SNX1: variants seen among roughly 807,000 people sequenced by gnomAD.
The protein encoded by SNX1 is sorting nexin-1.
In SNX1, 36 loss-of-function variants were observed where a neutral mutation model predicts 71.8. The ratio of observed to expected loss-of-function variants is 0.50; its 90% CI spans 0.38 to 0.66. The LOEUF is 0.66. Among genes scored for constraint, SNX1 ranks in the 30% least tolerant of loss-of-function variants. The pLI, the probability that SNX1 is intolerant of heterozygous loss-of-function variation, is 0.00. For missense variants in SNX1, 612 were observed against 646.7 expected (o/e 0.95, Z 0.58); for synonymous variants, 254 against 240.7 (o/e 1.06, Z -0.51).
chr15:64,117,764 C>T (rs531450308), intron 2 of SNX1, among the ~76,000 whole-genome samples: 34 of 152,246 alleles, frequency 2.2e-4, no homozygotes, highest in Non-Finnish European at 1.0e-4. Context: ...TGCACTCCAA[C>T]CTGGGTGACA....
intron 2 of SNX1, among the ~76,000 whole-genome samples, chr15:64,117,589 G>A (rs2081143328): frequency 6.6e-6 from 1 of 152,088 alleles, no homozygotes; most frequent in Non-Finnish European, 1.5e-5. Context: ...GAATAAATAG[G>A]GCTCATATAA....
At chr15:64,115,955 C>G (rs1020667089) in intron 2 of SNX1, among the ~76,000 whole-genome samples, 3 of 152,174 alleles carry the variant, frequency 2.0e-5, no homozygotes, top group African/African-American at 7.2e-5. Flanking sequence ...TCAGAGACTT[C>G]TAATATGCTA....
At chr15:64,123,633 T>G in intron 5 of SNX1, 87 bp downstream of exon 5, 1 of 1,122,610 alleles carries the variant, frequency 8.9e-7, no homozygotes, top group African/African-American at 1.5e-5. Flanking sequence ...TCTGGGTATC[T>G]CCTTTGTTTC....
At chr15:64,128,868 A>T (rs191575270) in intron 8 of SNX1, among the ~76,000 whole-genome samples, 123 of 152,168 alleles carry the variant, frequency 8.1e-4, no homozygotes, top group Non-Finnish European at 1.5e-3. Context: ...AGATCCAGGT[A>T]GCACCCCCTC....
intron 1 of SNX1, 146 bp from the exon 2 acceptor site, chr15:64,112,427 C>T: frequency 1.7e-6 from 1 of 573,036 alleles, no homozygotes; most frequent in South Asian, 2.3e-5. Flanking sequence ...ATGACTTGGG[C>T]AGCACTTATT....
intron 1 of SNX1, among the ~76,000 whole-genome samples, chr15:64,101,465 A>G (rs544390294): frequency 5.9e-5 from 9 of 152,240 alleles, no homozygotes; most frequent in Non-Finnish European, 1.0e-4. Context: ...AAGGCTGAAT[A>G]ATATTGCATT....
chr15:64,129,902 T>G lies in SNX1; in HGVS notation c.808-14T>G, dbSNP rs2081289267. 6.2e-7 allele frequency: 1 copy of G among 1,602,614 alleles called. No individual in the cohort carries two copies. On this transcript the variant is annotated splice_polypyrimidine_tract_variant and intron_variant, in intron 8 of 14. Transcript: ENST00000559844. The surrounding 1 kb of genome is among the most constrained non-coding windows in gnomAD (Gnocchi z 4.4). ...AGCAGATAACTTGCCATCCCTGCCT[T>G]CTTGGTCTTGTAGCTGCCACGTGCC...
Position 64,138,277 on chromosome 15 carries a change from C to A in SNX1, c.*659C>A. The A allele has an allele frequency of 2.4e-6, 3 of 1,256,932 alleles. No individual in the cohort carries two copies. The highest frequency in any genetic ancestry group is 3.1e-6 in the Non-Finnish European group (3 of 952,540). 77.9% of individuals were successfully genotyped at this position (1,256,932 alleles called of 1,614,324 possible). A position where few individuals can be genotyped will look rare whatever the true frequency, so the allele number is the denominator to read the frequency against. On this transcript the variant is annotated 3_prime_UTR_variant, in exon 15 of 15. Coordinates refer to ENST00000559844, the MANE Select transcript of SNX1 (RefSeq NM_003099.5). ...TCTCTTAAAATAAGAGGAGCAAAAT[C>A]TATTAAAACCTATTCTCCTGCAAAG...
intron 6 of SNX1, among the ~76,000 whole-genome samples, chr15:64,126,734 C>T (rs577872500): frequency 3.3e-4 from 50 of 152,272 alleles, no homozygotes; most frequent in Admixed American, 3.3e-3. Context: ...TGCCCGCCAC[C>T]ATGCCCAGCT....
chr15:64,125,788 G>T (rs1250601340), intron 5 of SNX1, among the ~76,000 whole-genome samples: 1 of 151,914 alleles, frequency 6.6e-6, no homozygotes, highest in Non-Finnish European at 1.5e-5. Context: ...TTTTCTCAAG[G>T]GTCACCATGG....
chr15:64,138,325 C>CAT lies in SNX1; in HGVS notation c.*707_*708insAT. On this transcript the variant is annotated 3_prime_UTR_variant, in exon 15 of 15. Coordinates refer to ENST00000559844, the MANE Select transcript of SNX1 (RefSeq NM_003099.5). ...AAGGAGGCAGAGACTTTCTCTCTCT[C>CAT]TTTTTTTTTTTTTTTTGGTGTCCCT... is the stretch of plus-strand genomic sequence containing the variant. 1 of 550,458 alleles carries CAT rather than the reference C, an allele frequency of 1.8e-6. No individual in the cohort carries two copies. The highest frequency in any genetic ancestry group is 2.9e-6 in the Non-Finnish European group (1 of 347,344). 34.1% of individuals were successfully genotyped at this position (550,458 alleles called of 1,614,324 possible). A position where few individuals can be genotyped will look rare whatever the true frequency, so the allele number is the denominator to read the frequency against.
chr15:64,125,088 A>G (rs1040894237), intron 5 of SNX1, among the ~76,000 whole-genome samples: 1 of 152,154 alleles, frequency 6.6e-6, no homozygotes, highest in Non-Finnish European at 1.5e-5. Flanking sequence ...CACCCTGCTC[A>G]TCACCTGCTT....
chr15:64,098,792 G>C (rs1297941452), intron 1 of SNX1, among the ~76,000 whole-genome samples: 1 of 150,546 alleles, frequency 6.6e-6, no homozygotes, highest in East Asian at 1.9e-4. Flanking sequence ...CCTCTTTTTT[G>C]TAAGACTGTA....
chr15:64,105,184 A>G (rs928980475), intron 1 of SNX1, among the ~76,000 whole-genome samples: 1 of 150,326 alleles, frequency 6.7e-6, no homozygotes, highest in Non-Finnish European at 1.5e-5. Flanking sequence ...GCACCACTGC[A>G]CTCCAGCCTG....
In SNX1 at chr15:64,141,825, A is replaced by G. The variant is rs1438143840; in HGVS notation, c.*4207A>G. The G allele has an allele frequency of 1.3e-5, 2 of 152,380 alleles. No individual in the cohort carries two copies. The highest frequency in any genetic ancestry group is 2.4e-5 in the African/African-American group (1 of 41,458). 9.4% of individuals were successfully genotyped at this position (152,380 alleles called of 1,614,324 possible). A position where few individuals can be genotyped will look rare whatever the true frequency, so the allele number is the denominator to read the frequency against. On this transcript the variant is annotated 3_prime_UTR_variant, in exon 15 of 15. Coordinates refer to ENST00000559844, the MANE Select transcript of SNX1 (RefSeq NM_003099.5). This position sits in a 1 kb window ranked among gnomAD's most constrained non-coding sequence, Gnocchi z 5.1. ...CTCAGGAGAGCTGAAAAGGGCAGGT[A>G]TGGTGGGGCCAGAGCTCAGGAGAGT...
chr15:64,118,079 T>C, intron 2 of SNX1, 38 bp from the exon 3 acceptor site: 1 of 1,606,500 alleles, frequency 6.2e-7, no homozygotes, highest in Admixed American at 1.7e-5. Flanking sequence ...CAAAGACTCA[T>C]TACTGACCTT....
At chr15:64,102,204 T>C (rs530329161) in intron 1 of SNX1, among the ~76,000 whole-genome samples, 4 of 152,334 alleles carry the variant, frequency 2.6e-5, no homozygotes, top group East Asian at 3.9e-4. Context: ...AAATCTGTTA[T>C]ATGGTGAGCT....
intron 8 of SNX1, 128 bp downstream of exon 8, chr15:64,127,934 A>G: frequency 1.6e-6 from 1 of 631,056 alleles, no homozygotes; most frequent in Non-Finnish European, 2.7e-6. Context: ...TTTTGTGTGA[A>G]CCCCTGAGAG....
At position 64,141,029 on chromosome 15, in the gene SNX1, TA is replaced by T. The variant is rs1448977210; in HGVS notation, c.*3412del. On this transcript the variant is annotated 3_prime_UTR_variant, in exon 15 of 15. Coordinates refer to ENST00000559844, the MANE Select transcript of SNX1 (RefSeq NM_003099.5). This position sits in a 1 kb window ranked among gnomAD's most constrained non-coding sequence, Gnocchi z 5.1. The stretch of plus-strand genomic sequence containing the variant: ...GATAGATAGATAGATAGATAGATGA[TA>T]GATATAGATAGATAGATAGATTGAT... 2 of 131,188 alleles carry T rather than the reference TA, an allele frequency of 1.5e-5. No individual in the cohort carries two copies. The highest frequency in any genetic ancestry group is 6.9e-5 in the African/African-American group (2 of 29,182). The allele number at this position is 131,188 out of a possible 1,614,324, so 8.1% of individuals were successfully genotyped here. A position where few individuals can be genotyped will look rare whatever the true frequency, so the allele number is the denominator to read the frequency against.
Sources: gnomAD v4.1 joint callset for allele counts (sites outside exome capture counted in the v4.1 genomes callset) on GRCh38, gnomAD v4.1.1 for gene constraint, Gnocchi (gnomAD v3.1) non-coding constraint, MANE v1.5 for transcripts, NCBI Gene and HGNC (gene_info 2026-07-23, HGNC 2026-07-21) for gene names.